Variants in CHST8 observed in about 807,000 individuals in gnomAD.
CHST8 encodes the protein GALNAC-4-ST1.
A neutral mutation model predicts 15.0 loss-of-function variants in CHST8; 10 were observed. That is an observed-to-expected ratio of 0.67 (90% CI 0.41 to 1.13). CHST8 has a LOEUF of 1.13. CHST8 is among the 50% of genes most tolerant of loss of function. CHST8 has a pLI of 0.00. For synonymous variants in CHST8, 259 were observed against 256.6 expected (o/e 1.01, Z -0.09); for missense variants, 634 against 608.2 (o/e 1.04, Z -0.45).
At chr19:33,700,744 G>A (rs1973316502) in intron 3 of CHST8, among the ~76,000 whole-genome samples, 1 of 152,214 alleles carries the variant, frequency 6.6e-6, no homozygotes, top group Non-Finnish European at 1.5e-5. Context: ...GGCAGAGAGG[G>A]TGGCCAGAGC....
chr19:33,683,732 TGGGAATACAAAGATG>T (rs1320067782), intron 2 of CHST8, among the ~76,000 whole-genome samples: 5 of 152,226 alleles, frequency 3.3e-5, no homozygotes. Context: ...TGCTAGGTGC[TGGGAATACAAAGATG>T]GGGAGAGGCC....
chr19:33,758,086 C>T (rs1974640126), intron 3 of CHST8, among the ~76,000 whole-genome samples: 1 of 151,528 alleles, frequency 6.6e-6, no homozygotes, highest in African/African-American at 2.4e-5. Context: ...CTGGCCTTGT[C>T]CCTGCAACCT....
intron 2 of CHST8, 115 bp from the exon 3 acceptor site, chr19:33,689,061 C>G: frequency 2.1e-6 from 1 of 483,070 alleles, no homozygotes; most frequent in Non-Finnish European, 3.4e-6. Flanking sequence ...CCCTGGGTAA[C>G]TTGTAGAGGG....
At chr19:33,665,738 G>A (rs1435877894) in intron 1 of CHST8, among the ~76,000 whole-genome samples, 1 of 152,196 alleles carries the variant, frequency 6.6e-6, no homozygotes, top group East Asian at 1.9e-4. Context: ...GTCCCCCAAG[G>A]AACACTTCCT....
In CHST8 at chr19:33,687,730, G is replaced by C. The variant is rs540622952; in HGVS notation, c.-86-1446G>C. On this transcript the variant is annotated intron_variant, in intron 2 of 4. Coordinates refer to ENST00000650847, the MANE Select transcript of CHST8 (RefSeq NM_001127895.2). ...CCCTTGAGCTTTTCAGAACCATCTG[G>C]TCGTGGGGAGTCGTGGGCAGGGGAG... Among the ~76,000 whole-genome samples, 92 of 152,350 alleles carry C rather than the reference G, an allele frequency of 6.0e-4. 1 individual carries two copies. The highest frequency in any genetic ancestry group is 2.2e-3 in the African/African-American group (90 of 41,586).
chr19:33,650,843 G>A (rs1280983296), intron 1 of CHST8, among the ~76,000 whole-genome samples: 1 of 151,940 alleles, frequency 6.6e-6, no homozygotes, highest in Non-Finnish European at 1.5e-5. Context: ...CAAGTAGCTG[G>A]GACTACAGGC....
chr19:33,771,815 G>C, intron 4 of CHST8, 142 bp from the exon 5 acceptor site: 2 of 1,007,302 alleles, frequency 2.0e-6, no homozygotes, highest in African/African-American at 1.6e-5. Flanking sequence ...GCTCAGACCG[G>C]AGGGGTCTCA....
At chr19:33,658,591 T>C (rs1972543089) in intron 1 of CHST8, among the ~76,000 whole-genome samples, 1 of 152,242 alleles carries the variant, frequency 6.6e-6, no homozygotes, top group Non-Finnish European at 1.5e-5. Flanking sequence ...AAAAATATTA[T>C]ATTACTACAT....
chr19:33,662,879 A>G (rs1344725189), intron 1 of CHST8, among the ~76,000 whole-genome samples: 1 of 152,178 alleles, frequency 6.6e-6, no homozygotes, highest in Non-Finnish European at 1.5e-5. Context: ...CAAGGGCCAG[A>G]TCCACATTCC....
At chr19:33,655,744 ATC>A (rs1228304500) in intron 1 of CHST8, among the ~76,000 whole-genome samples, 1 of 151,990 alleles carries the variant, frequency 6.6e-6, no homozygotes, top group Non-Finnish European at 1.5e-5. Context: ...ATCTCTACTT[ATC>A]TCTCTTTCTT....
intron 3 of CHST8, among the ~76,000 whole-genome samples, chr19:33,692,546 A>G (rs907887031): frequency 2.0e-5 from 3 of 152,218 alleles, no homozygotes; most frequent in Non-Finnish European, 4.4e-5. Flanking sequence ...AAAAAAAATA[A>G]ATAAAATTAG....
chr19:33,746,310 T>A (rs550738923), intron 3 of CHST8, among the ~76,000 whole-genome samples: 4 of 152,260 alleles, frequency 2.6e-5, no homozygotes, highest in Admixed American at 2.0e-4. Flanking sequence ...GTGAAACATT[T>A]CCCCCACCCC....
At position 33,640,593 on chromosome 19, in the gene CHST8, A is replaced by T. The variant is rs571060982; in HGVS notation, c.-164+18297A>T. ...CATTATGTGGAAGTTGGATGCTAAC[A>T]AGATTTGTATGAATAAATTAGACTC... On this transcript the variant is annotated intron_variant, in intron 1 of 4. Transcript: ENST00000650847. Among the ~76,000 whole-genome samples, 3 of 152,114 alleles carry T rather than the reference A, an allele frequency of 2.0e-5. No homozygotes were observed. In the East Asian group the frequency reaches 5.8e-4, roughly 29 times the overall value.
intron 3 of CHST8, among the ~76,000 whole-genome samples, chr19:33,768,584 T>G (rs985637444): frequency 6.6e-6 from 1 of 152,112 alleles, no homozygotes; most frequent in Admixed American, 6.6e-5. Flanking sequence ...ACTGAGTAGC[T>G]GGGATAACAG....
chr19:33,721,551 T>C (rs918493908), intron 3 of CHST8, among the ~76,000 whole-genome samples: 3 of 147,506 alleles, frequency 2.0e-5, no homozygotes, highest in African/African-American at 7.6e-5. Context: ...GATGGACAGA[T>C]TGATGGAAAG....
At chr19:33,645,524 G>A (rs1319679563) in intron 1 of CHST8, among the ~76,000 whole-genome samples, 1 of 152,172 alleles carries the variant, frequency 6.6e-6, no homozygotes, top group Non-Finnish European at 1.5e-5. Flanking sequence ...TGGGTTAGAT[G>A]GGGTGTGAGG....
At chr19:33,653,893 A>G (rs7259730) in intron 1 of CHST8, among the ~76,000 whole-genome samples, 38,301 of 152,038 alleles carry the variant, frequency 0.25, 5,695 homozygotes, top group African/African-American at 0.39. Context: ...TGACACTGAC[A>G]CAGTTGCCCA....
intron 1 of CHST8, among the ~76,000 whole-genome samples, chr19:33,622,711 C>A (rs1016173319): frequency 6.6e-6 from 1 of 152,082 alleles, no homozygotes; most frequent in Non-Finnish European, 1.5e-5. Context: ...CTTCCTGGCG[C>A]GCTCGGAGCC....
chr19:33,763,050 G>T (rs913128001), intron 3 of CHST8, among the ~76,000 whole-genome samples: 1 of 152,044 alleles, frequency 6.6e-6, no homozygotes, highest in Non-Finnish European at 1.5e-5. Flanking sequence ...TGTATTTTTA[G>T]TAGAGACAGG....
Sources: gnomAD v4.1 joint callset for allele counts (sites outside exome capture counted in the v4.1 genomes callset) on GRCh38, gnomAD v4.1.1 for gene constraint, MANE v1.5 for transcripts, NCBI Gene and HGNC (gene_info 2026-07-23, HGNC 2026-07-21) for gene names.